The following UNC93B1 variants were observed in gnomAD, a reference collection of about 807,000 sequenced individuals.
UNC93B1 encodes protein unc-93 homolog B1.
A neutral mutation model predicts 56.8 loss-of-function variants in UNC93B1; 33 were observed. That is an observed-to-expected ratio of 0.58 (90% CI 0.44 to 0.78). The LOEUF is 0.78. UNC93B1 is among the 30% of genes least tolerant of loss of function. The probability of loss-of-function intolerance (pLI) is 0.00; values close to 1 mark genes in which losing one functional copy is unlikely to be tolerated. For missense variants in UNC93B1, 673 were observed against 819.5 expected, an observed-to-expected ratio of 0.82 and a Z score of 2.18; for synonymous variants, 334 against 358.6, an observed-to-expected ratio of 0.93 and a Z score of 0.77.
At position 67,997,775 on chromosome 11, in the gene UNC93B1, C is replaced by A. The variant is rs376833917; in HGVS notation, c.806G>T (p.Ser269Ile). The A allele has an allele frequency of 1.2e-6, 2 of 1,609,452 alleles. No individual in the cohort carries two copies. The highest frequency in any genetic ancestry group is 2.7e-5 in the African/African-American group (2 of 74,934). The change falls in exon 7 of 11, where the codon AGC (serine) becomes ATC (isoleucine). Residue 269 changes from serine (S) to isoleucine (I), a missense_variant. By Grantham distance (142) the Ser-to-Ile change is moderately radical. Coordinates refer to ENST00000227471, the MANE Select transcript of UNC93B1 (RefSeq NM_030930.4). ...CCGCAGAACCGTCTTGTTGAAGCCG[C>A]TGAGGATCCCGTGGCTGTTGGTGCC... ...SCGTNSHGIL[S>I]GFNKTVLRTL...
In UNC93B1 at chr11:68,003,257, C is replaced by A; in HGVS notation, c.239-82G>T. ...AGCAGAAGACGGCATGCAGGCCTCG[C>A]AGGGAGCTCCAATCACCGAAGGCAT... is the stretch of plus-strand genomic sequence containing the variant. On this transcript the variant is annotated intron_variant, in intron 2 of 10. Coordinates refer to ENST00000227471, the MANE Select transcript of UNC93B1 (RefSeq NM_030930.4). This position sits in a 1 kb window ranked among gnomAD's most constrained non-coding sequence, Gnocchi z 4.4. 1 of 1,402,094 alleles carries A rather than the reference C, an allele frequency of 7.1e-7. No homozygotes were observed. The highest frequency in any genetic ancestry group is 9.4e-7 in the Non-Finnish European group (1 of 1,063,632). The allele number at this position is 1,402,094 out of a possible 1,614,324, so 86.9% of individuals were successfully genotyped here.
At position 67,994,676 on chromosome 11, in the gene UNC93B1, A is replaced by C. The variant is rs528227141; in HGVS notation, c.1364-882T>G. On this transcript the variant is annotated intron_variant, in intron 9 of 10. Transcript: ENST00000227471. ...GGCTGGACTCTGCCCAGAATTGGCT[A>C]TCCTTGGGCAAAACGGCCAAGAGAC... 3.3e-5 allele frequency among the ~76,000 whole-genome samples: 5 copies of C among 152,272 alleles called. No homozygotes were observed. In the East Asian group the frequency reaches 9.6e-4, roughly 29 times the overall value.
chr11:67,998,294 C>T, intron 6 of UNC93B1, 65 bp downstream of exon 6: 1 of 1,572,402 alleles, frequency 6.4e-7, no homozygotes, highest in South Asian at 1.1e-5. Flanking sequence ...GAGTGAGGGC[C>T]CAGTGTCTGC....
chr11:67,999,151 C>A (rs756463288), intron 5 of UNC93B1, 22 bp downstream of exon 5: 1 of 1,613,602 alleles, frequency 6.2e-7, no homozygotes, highest in Non-Finnish European at 8.5e-7. Context: ...TGCCACCCAA[C>A]AATGGCCCAC....
chr11:67,995,699 C>T lies in UNC93B1; in HGVS notation c.1275G>A (p.Val425=). 6.5e-7 allele frequency: 1 copy of T among 1,548,426 alleles called. No individual in the cohort carries two copies. The highest frequency in any genetic ancestry group is 1.4e-5 in the African/African-American group (1 of 72,912). Residue 425 remains valine, a synonymous_variant, in exon 9 of 11, where the codon GTG becomes GTA. Coordinates refer to ENST00000227471, the MANE Select transcript of UNC93B1 (RefSeq NM_030930.4). Reference sequence around the variant, plus strand: ...TCCAGCTGTGTTGCAGGACCCGAGGCACAGGGGCCCAGAAAAAGAGGATGA... The same window carrying T: ...TCCAGCTGTGTTGCAGGACCCGAGGTACAGGGGCCCAGAAAAAGAGGATGA... ...LTFILFFWAP[V]PRVLQHSWIL...
At chr11:67,995,388 C>G (rs1044930188) in intron 9 of UNC93B1, among the ~76,000 whole-genome samples, 1 of 152,018 alleles carries the variant, frequency 6.6e-6, no homozygotes, top group African/African-American at 2.4e-5. Flanking sequence ...TCCAGGGTGT[C>G]CACACCCTAC....
In UNC93B1 at chr11:67,995,792, C is replaced by A; in HGVS notation, c.1182G>T (p.Leu394=). ...CCGGGCGTGGCAGCCACAGGCCCAG[C>A]AGGCCCAGGAGTGAGGCGGCTGAGG... ...LGASAASLLG[L]LGLWLPRPVP... is the part of the protein sequence containing the mutation. Residue 394 remains leucine (L), a synonymous_variant, in exon 9 of 11, where the codon CTG becomes CTT. Coordinates refer to ENST00000227471, the MANE Select transcript of UNC93B1 (RefSeq NM_030930.4). 3.2e-6 allele frequency: 5 copies of A among 1,547,958 alleles called. No individual in the cohort carries two copies. The highest frequency in any genetic ancestry group is 2.4e-5 in the South Asian group (2 of 83,932).
At position 68,003,334 on chromosome 11, in the gene UNC93B1, C is replaced by T. The variant is rs904653713; in HGVS notation, c.239-159G>A. On this transcript the variant is annotated intron_variant, in intron 2 of 10. Coordinates refer to ENST00000227471, the MANE Select transcript of UNC93B1 (RefSeq NM_030930.4). The surrounding 1 kb of genome is among the most constrained non-coding windows in gnomAD (Gnocchi z 4.4). ...GCGGGGTTCCCGGGCTGCGCCACGC[C>T]TTCTGCCAGCCCGCGGCCACTTGGC... The T allele has an allele frequency of 6.9e-6, 7 of 1,012,844 alleles. No homozygotes were observed. Among genetic ancestry groups the T allele is most frequent in the Admixed American group, 3.1e-5 (1 of 31,936 alleles). The allele number at this position is 1,012,844 out of a possible 1,614,324, so 62.7% of individuals were successfully genotyped here. A position where few individuals can be genotyped will look rare whatever the true frequency, so the allele number is the denominator to read the frequency against.
chr11:67,997,770 A>C lies in UNC93B1; in HGVS notation c.811T>G (p.Phe271Val). The change falls in exon 7 of 11, where the codon TTC (phenylalanine) becomes GTC (valine). Residue 271 changes from phenylalanine (F) to valine (V), a missense_variant. Phe to Val is a conservative substitution (Grantham distance 50). Coordinates refer to ENST00000227471, the MANE Select transcript of UNC93B1 (RefSeq NM_030930.4). Reference protein sequence around the residue: ...GTNSHGILSGFNKTVLRTLPR... With the variant: ...GTNSHGILSGVNKTVLRTLPR... Reference sequence around the variant, plus strand: ...AGCGTCCGCAGAACCGTCTTGTTGAAGCCGCTGAGGATCCCGTGGCTGTTG... The same window carrying C: ...AGCGTCCGCAGAACCGTCTTGTTGACGCCGCTGAGGATCCCGTGGCTGTTG... 1 of 1,610,056 alleles carries C rather than the reference A, an allele frequency of 6.2e-7. No homozygotes were observed. Among genetic ancestry groups the C allele is most frequent in the Non-Finnish European group, 8.5e-7 (1 of 1,179,752 alleles).
chr11:68,002,328 C>G (rs1382057805), intron 3 of UNC93B1, among the ~76,000 whole-genome samples: 1 of 151,996 alleles, frequency 6.6e-6, no homozygotes, highest in East Asian at 1.9e-4. Flanking sequence ...GATGGGGTTT[C>G]TTTTTTATGA....
At chr11:67,997,609 C>A in intron 7 of UNC93B1, 66 bp downstream of exon 7, 2 of 1,592,374 alleles carry the variant, frequency 1.3e-6, no homozygotes, top group East Asian at 2.2e-5. Flanking sequence ...GACCCTTTCT[C>A]GCAGACTCGG....
chr11:67,994,559 C>T (rs1300521949), intron 9 of UNC93B1, among the ~76,000 whole-genome samples: 1 of 152,082 alleles, frequency 6.6e-6, no homozygotes, highest in African/African-American at 2.4e-5. Flanking sequence ...GAGACAAGGA[C>T]CCCCCGGGGT....
In UNC93B1 at chr11:68,003,479, G is replaced by A; in HGVS notation, c.238+178C>T. On this transcript the variant is annotated intron_variant, in intron 2 of 10. Transcript: ENST00000227471. The surrounding 1 kb of genome is among the most constrained non-coding windows in gnomAD (Gnocchi z 4.4). ...CACACCGAGGCTCTGGCTGGGACCC[G>A]GGGACGCTGCGCTACTTGACCCCCC... is the stretch of plus-strand genomic sequence containing the variant. 3.0e-6 allele frequency: 3 copies of A among 1,004,270 alleles called. No homozygotes were observed. Among genetic ancestry groups the A allele is most frequent in the Non-Finnish European group, 4.1e-6 (3 of 730,558 alleles). The allele number at this position is 1,004,270 out of a possible 1,614,324, so 62.2% of individuals were successfully genotyped here. A position where few individuals can be genotyped will look rare whatever the true frequency, so the allele number is the denominator to read the frequency against.
At chr11:67,996,839 G>C in intron 7 of UNC93B1, 55 bp from the exon 8 acceptor site, 1 of 1,460,900 alleles carries the variant, frequency 6.8e-7, no homozygotes, top group Non-Finnish European at 9.1e-7. Context: ...TGGCCTCCAG[G>C]CTTCAGCCCC....
At position 68,001,815 on chromosome 11, in the gene UNC93B1, G is replaced by A. The variant is rs566802003; in HGVS notation, c.392+1207C>T. 2.4e-3 allele frequency among the ~76,000 whole-genome samples: 362 copies of A among 152,298 alleles called. 1 individual carries two copies. The highest frequency in any genetic ancestry group is 8.2e-3 in the African/African-American group (339 of 41,562). ...ACCATTGCAAAGTCGTAACTGTGAA[G>A]GCTGTAGAGTAGGCTAAGATATGCT... is the stretch of plus-strand genomic sequence containing the variant. On this transcript the variant is annotated intron_variant, in intron 3 of 10. Coordinates refer to ENST00000227471, the MANE Select transcript of UNC93B1 (RefSeq NM_030930.4).
At chr11:67,992,546 C>T (rs1433552746) in intron 10 of UNC93B1, among the ~76,000 whole-genome samples, 1 of 152,172 alleles carries the variant, frequency 6.6e-6, no homozygotes, top group Non-Finnish European at 1.5e-5. Flanking sequence ...CTATGTTGCC[C>T]AGGCTGGTCT....
In UNC93B1 at chr11:67,991,754, A is replaced by T. The variant is rs1370715564; in HGVS notation, c.1586T>A (p.Ile529Asn). Residue 529 changes from isoleucine (I) to asparagine (N), a missense_variant, in exon 11 of 11, where the codon ATC becomes AAC. This residue lies in a region of UNC93B1 where 155 missense variants were observed against 268.3 expected (regional missense o/e 0.58). Transcript: ENST00000227471. ...RRGVAPRQPR[I>N]PRPQHKVRGY... ...GCGCACCTTGTGCTGGGGCCGCGGGATGCGGGGCTGGCGCGGGGCCACGCC... is the reference window on the plus strand; with the variant it reads ...GCGCACCTTGTGCTGGGGCCGCGGGTTGCGGGGCTGGCGCGGGGCCACGCC... The T allele has an allele frequency of 1.3e-6, 2 of 1,540,418 alleles. No individual in the cohort carries two copies. Among genetic ancestry groups the T allele is most frequent in the Non-Finnish European group, 1.7e-6 (2 of 1,150,666 alleles).
Position 67,991,660 on chromosome 11 carries a change from C to T in UNC93B1, c.1680G>A (p.Ala560=). Residue 560 remains alanine, a synonymous_variant, in exon 11 of 11, where the codon GCG becomes GCA. Transcript: ENST00000227471. ...SDAEGEHGDG[A]EEEAPPAGPR... is the part of the protein sequence containing the mutation. ...GCCCTGCGGGCGGCGCCTCCTCCTC[C>T]GCGCCGTCCCCATGCTCGCCCTCCG... 1 of 1,529,078 alleles carries T rather than the reference C, an allele frequency of 6.5e-7. No homozygotes were observed. The allele number at this position is 1,529,078 out of a possible 1,614,324, so 94.7% of individuals were successfully genotyped here.
chr11:68,002,950 C>T (rs1421757997), intron 3 of UNC93B1, 72 bp downstream of exon 3: 16 of 1,505,368 alleles, frequency 1.1e-5, no homozygotes, highest in Non-Finnish European at 1.4e-5. Flanking sequence ...ATGGACACCT[C>T]CTGGCCCGCC....
Sources: gnomAD v4.1 joint callset for allele counts (sites outside exome capture counted in the v4.1 genomes callset) on GRCh38, gnomAD v4.1.1 for gene constraint, gnomAD v4.1.1 regional missense constraint, Gnocchi (gnomAD v3.1) non-coding constraint, MANE v1.5 for transcripts, NCBI Gene and HGNC (gene_info 2026-07-23, HGNC 2026-07-21) for gene names.